PGCKA1: variants seen among roughly 807,000 people sequenced by gnomAD.
PGCKA1 encodes PDCD10 and GCKIII kinases associated 1.
At chr4:37,550,662 G>A in the PGCKA1 span, among the ~76,000 whole-genome samples, 12 of 152,298 alleles carry the variant, frequency 7.9e-5, no homozygotes, top group Middle Eastern at 3.4e-3. Flanking sequence ...TCCAGAACCC[G>A]TATTTCAGAC....
At chr4:37,527,511 A>T in the PGCKA1 span, among the ~76,000 whole-genome samples, 6 of 152,042 alleles carry the variant, frequency 3.9e-5, no homozygotes, top group Non-Finnish European at 7.4e-5. Context: ...TTCTCTATTT[A>T]TGTTTAGATA....
the PGCKA1 span, among the ~76,000 whole-genome samples, chr4:37,556,649 TAC>T: frequency 6.6e-6 from 1 of 152,168 alleles, no homozygotes. Context: ...GCCTCCCAGT[TAC>T]ACTCTCTTCC....
the PGCKA1 span, among the ~76,000 whole-genome samples, chr4:37,558,978 C>G: frequency 1.2e-5 from 1 of 86,386 alleles, no homozygotes; most frequent in Non-Finnish European, 2.3e-5. Flanking sequence ...GAAATAGGAA[C>G]ACTTTTACAC....
chr4:37,564,298 A>G, the PGCKA1 span, among the ~76,000 whole-genome samples: 2 of 151,580 alleles, frequency 1.3e-5, no homozygotes, highest in Non-Finnish European at 2.9e-5. Context: ...AAAGAAAGAA[A>G]AAAAACCGAA....
chr4:37,484,036 T>C, the PGCKA1 span, among the ~76,000 whole-genome samples: 1 of 152,176 alleles, frequency 6.6e-6, no homozygotes, highest in African/African-American at 2.4e-5. Context: ...AAAAGTAAGA[T>C]CTTCACTCAT....
chr4:37,464,818 CTTG>C, the PGCKA1 span, among the ~76,000 whole-genome samples: 2 of 152,300 alleles, frequency 1.3e-5, no homozygotes, highest in South Asian at 4.1e-4. Flanking sequence ...ATGTAAAGAA[CTTG>C]TTAGGGTAAA....
the PGCKA1 span, among the ~76,000 whole-genome samples, chr4:37,549,344 G>GA: frequency 9.6e-4 from 144 of 149,540 alleles, no homozygotes; most frequent in Middle Eastern, 6.8e-3. Context: ...TCAACCAGAA[G>GA]AAAAAAAAAA....
At chr4:37,483,157 C>A in the PGCKA1 span, among the ~76,000 whole-genome samples, 4 of 152,106 alleles carry the variant, frequency 2.6e-5, no homozygotes, top group Non-Finnish European at 5.9e-5. Flanking sequence ...AGGGCTTCCC[C>A]CTTCACTTGG....
At chr4:37,466,645 A>T in the PGCKA1 span, among the ~76,000 whole-genome samples, 3 of 151,962 alleles carry the variant, frequency 2.0e-5, no homozygotes, top group Admixed American at 2.0e-4. Context: ...TGAGAAGTGG[A>T]TGGGTTCCTA....
At chr4:37,580,051 GC>G in the PGCKA1 span, among the ~76,000 whole-genome samples, 2 of 151,840 alleles carry the variant, frequency 1.3e-5, no homozygotes, top group African/African-American at 4.8e-5. Context: ...GATTAATTCT[GC>G]TGTTAAGAGA....
the PGCKA1 span, among the ~76,000 whole-genome samples, chr4:37,467,507 A>C: frequency 3.3e-5 from 5 of 152,162 alleles, no homozygotes; most frequent in Admixed American, 1.3e-4. Flanking sequence ...AATATCTTCT[A>C]GATTGTTAGA....
At chr4:37,509,382 C>T in the PGCKA1 span, among the ~76,000 whole-genome samples, 3 of 140,334 alleles carry the variant, frequency 2.1e-5, no homozygotes, top group South Asian at 4.8e-4. Flanking sequence ...AGGGCAGAGG[C>T]GTTCCTCACA....
the PGCKA1 span, chr4:37,590,333 A>C: frequency 1.2e-6 from 2 of 1,613,576 alleles, no homozygotes; most frequent in Non-Finnish European, 1.7e-6. Flanking sequence ...GGAGGGGAAC[A>C]CCATGCCTGC....
chr4:37,526,528 G>T, the PGCKA1 span, among the ~76,000 whole-genome samples: 1 of 152,162 alleles, frequency 6.6e-6, no homozygotes, highest in Non-Finnish European at 1.5e-5. Context: ...ACTTCATTGG[G>T]ATAAGCATAA....
chr4:37,512,518 G>A, the PGCKA1 span, among the ~76,000 whole-genome samples: 1,166 of 148,270 alleles, frequency 7.9e-3, 23 homozygotes, highest in East Asian at 0.073. Flanking sequence ...GTGCAGTAGC[G>A]TGATCTTGGT....
At chr4:37,592,167 C>A in the PGCKA1 span, among the ~76,000 whole-genome samples, 1 of 148,670 alleles carries the variant, frequency 6.7e-6, no homozygotes, top group Admixed American at 6.7e-5. Flanking sequence ...TGAGATCGTG[C>A]CACTGCACTC....
At chr4:37,590,229 G>T in the PGCKA1 span, 2 of 1,614,094 alleles carry the variant, frequency 1.2e-6, no homozygotes, top group Non-Finnish European at 1.7e-6. Context: ...ACCCTCAGAG[G>T]CAGGGCTCAA....
the PGCKA1 span, among the ~76,000 whole-genome samples, chr4:37,457,449 C>T: frequency 6.6e-6 from 1 of 152,218 alleles, no homozygotes; most frequent in Non-Finnish European, 1.5e-5. Flanking sequence ...GTTATTGACT[C>T]ATTGCCGCAT....
chr4:37,453,971 T>G, the PGCKA1 span: 2 of 156,366 alleles, frequency 1.3e-5, no homozygotes, highest in Non-Finnish European at 2.8e-5. Flanking sequence ...CCGGCGCGGC[T>G]GCCCGAGGCC....
Sources: allele counts gnomAD v4.1 joint callset (sites outside exome capture counted in the v4.1 genomes callset), GRCh38; gene constraint gnomAD v4.1.1; transcripts MANE v1.5; gene names NCBI Gene and HGNC (gene_info 2026-07-23, HGNC 2026-07-21).